Variants in PIR observed in about 807,000 individuals in gnomAD.
PIR encodes the protein pirin, also known as pirin (iron-binding nuclear protein).
In PIR, 22 loss-of-function variants were observed where a neutral mutation model predicts 24.2. The observed-to-expected ratio is 0.91, with a 90% CI of 0.65 to 1.30. The LOEUF is 1.30. PIR is among the 50% of genes most tolerant of loss of function. The probability of loss-of-function intolerance (pLI) is 0.00; values close to 1 mark genes in which losing one functional copy is unlikely to be tolerated. For missense variants in PIR, 220 were observed against 220.3 expected (o/e 1.00, Z 0.01); for synonymous variants, 80 against 79.6 (o/e 1.00, Z -0.03).
chrX:15,482,537 C>T (rs1425555356), intron 2 of PIR, among the ~76,000 whole-genome samples: 1 of 111,971 alleles, frequency 8.9e-6, no homozygotes, highest in Non-Finnish European at 1.9e-5. Flanking sequence ...CTCCTTTAAC[C>T]TCTTAATGTT....
chrX:15,479,381 G>A (rs1922379639), intron 3 of PIR, among the ~76,000 whole-genome samples: 2 of 104,702 alleles, frequency 1.9e-5, no homozygotes. Flanking sequence ...GTCTCACTCT[G>A]TTGCCCAGAA....
intron 3 of PIR, among the ~76,000 whole-genome samples, chrX:15,473,983 T>A (rs1429339422): frequency 8.9e-6 from 1 of 112,694 alleles, no homozygotes; most frequent in Non-Finnish European, 1.9e-5. Flanking sequence ...GAATAACTTT[T>A]TTCTAGGGAA....
At chrX:15,446,982 T>A (rs189913553) in intron 5 of PIR, among the ~76,000 whole-genome samples, 356 of 112,547 alleles carry the variant, frequency 3.2e-3, no homozygotes, top group Middle Eastern at 9.1e-3. Flanking sequence ...TATCAATGAT[T>A]TAGAGCTCAT....
At chrX:15,448,070 G>T (rs187820021) in intron 5 of PIR, among the ~76,000 whole-genome samples, 1 of 112,139 alleles carries the variant, frequency 8.9e-6, no homozygotes, top group African/African-American at 3.2e-5. Flanking sequence ...GATTAGGTCA[G>T]CAGGGACATC....
intron 8 of PIR, among the ~76,000 whole-genome samples, chrX:15,392,950 C>T (rs1924005237): frequency 8.9e-6 from 1 of 112,317 alleles, no homozygotes; most frequent in South Asian, 3.7e-4. Context: ...TTGCTGTTAT[C>T]TTGAAAAGTC....
chrX:15,420,146 G>A (rs1004260871), intron 6 of PIR, among the ~76,000 whole-genome samples: 7 of 111,293 alleles, frequency 6.3e-5, no homozygotes, highest in Admixed American at 2.9e-4. Context: ...GCAGTGAGCC[G>A]CGATCACACC....
At chrX:15,456,587 G>A (rs111778224) in intron 4 of PIR, among the ~76,000 whole-genome samples, 3,912 of 112,238 alleles carry the variant, frequency 0.035, 161 homozygotes, top group African/African-American at 0.12. Flanking sequence ...GCCATCCCCA[G>A]GTGGAAAGCA....
At chrX:15,426,174 A>T (rs1183961178) in intron 5 of PIR, among the ~76,000 whole-genome samples, 184 bp from the exon 6 acceptor site, 1 of 111,623 alleles carries the variant, frequency 9.0e-6, no homozygotes, top group Admixed American at 9.6e-5. Context: ...TCTGGAAGTT[A>T]GCCCTCCTAG....
At chrX:15,479,054 C>A in intron 3 of PIR, among the ~76,000 whole-genome samples, 1 of 112,015 alleles carries the variant, frequency 8.9e-6, no homozygotes, top group South Asian at 3.7e-4. Flanking sequence ...TTTGAAAGTG[C>A]CACAATATTA....
chrX:15,415,534 T>C (rs909021283), intron 6 of PIR, among the ~76,000 whole-genome samples: 3 of 111,800 alleles, frequency 2.7e-5, no homozygotes, highest in African/African-American at 6.5e-5. Flanking sequence ...AGTTAAATAG[T>C]AGAAATAAGT....
chrX:15,466,805 G>A (rs1165892760), intron 3 of PIR, among the ~76,000 whole-genome samples: 1 of 111,387 alleles, frequency 9.0e-6, no homozygotes, highest in African/African-American at 3.3e-5. Flanking sequence ...TCACCTCCTC[G>A]CTTCACTCAG....
At chrX:15,425,411 CTT>C (rs756160029) in intron 6 of PIR, among the ~76,000 whole-genome samples, 12 of 92,089 alleles carry the variant, frequency 1.3e-4, no homozygotes, top group Admixed American at 2.3e-4. Context: ...TTCTTTCTTT[CTT>C]TTTTTTTTTT....
Position 15,397,745 on chromosome X carries a change from A to C in PIR, c.611-214T>G, listed in dbSNP as rs1449961529. On this transcript the variant is annotated intron_variant, in intron 7 of 9. Transcript: ENST00000380420. ...ATTTTGAAAAAGGACAAGGAGATGA[A>C]TCCTGCGTGTGTTTCCATTTACACT... 5.4e-5 allele frequency among the ~76,000 whole-genome samples: 4 copies of C among 74,719 alleles called. No homozygotes were observed. The East Asian group carries it at 1.2e-3, about 23-fold the overall frequency. The allele number at this position is 74,719 out of a possible 115,157, so 64.9% of individuals were successfully genotyped here.
chrX:15,475,751 C>T (rs543341827), intron 3 of PIR, among the ~76,000 whole-genome samples: 1 of 111,697 alleles, frequency 9.0e-6, no homozygotes, highest in African/African-American at 3.3e-5. Flanking sequence ...TGACCAGAAA[C>T]AGGGTAAATG....
chrX:15,487,336 GTT>G (rs5901565), intron 2 of PIR, among the ~76,000 whole-genome samples: 6 of 106,613 alleles, frequency 5.6e-5, no homozygotes, highest in African/African-American at 6.8e-5. Flanking sequence ...TGAGATTGTA[GTT>G]TTTTTTTTCA....
At chrX:15,431,679 C>G (rs866297545) in intron 5 of PIR, among the ~76,000 whole-genome samples, 5 of 104,950 alleles carry the variant, frequency 4.8e-5, no homozygotes, top group African/African-American at 1.4e-4. Context: ...CCACCCCCCC[C>G]CCGAAAACCT....
At chrX:15,487,446 A>G (rs1292168262) in intron 2 of PIR, among the ~76,000 whole-genome samples, 1 of 112,017 alleles carries the variant, frequency 8.9e-6, no homozygotes, top group African/African-American at 3.2e-5. Context: ...AATGGATGAT[A>G]ATATGGATGA....
chrX:15,453,201 C>A (rs1000579702), intron 5 of PIR, among the ~76,000 whole-genome samples: 1 of 111,893 alleles, frequency 8.9e-6, no homozygotes. Context: ...AGGTTAATAA[C>A]CCTTCCCAAA....
At chrX:15,471,110 AAC>A (rs1921890938) in intron 3 of PIR, among the ~76,000 whole-genome samples, 2 of 112,202 alleles carry the variant, frequency 1.8e-5, no homozygotes, top group Admixed American at 1.9e-4. Flanking sequence ...TACGCTTGTT[AAC>A]ACAGACGAGG....
Sources: gnomAD v4.1 joint callset for allele counts (sites outside exome capture counted in the v4.1 genomes callset) on GRCh38, gnomAD v4.1.1 for gene constraint, MANE v1.5 for transcripts, NCBI Gene and HGNC (gene_info 2026-07-23, HGNC 2026-07-21) for gene names.